COL14A1: variants seen among roughly 807,000 people sequenced by gnomAD.
COL14A1 encodes collagen alpha-1(XIV) chain.
In COL14A1, 136 loss-of-function variants were observed where a neutral mutation model predicts 230.3. The ratio of observed to expected loss-of-function variants is 0.59; its 90% CI spans 0.51 to 0.68. COL14A1 has a LOEUF of 0.68. Ranked by LOEUF, COL14A1 falls within the 30% of genes least tolerant of loss-of-function variation. The pLI is 0.00. For missense variants in COL14A1, 1,976 were observed against 2,215.8 expected (o/e 0.89, Z 2.17); for synonymous variants, 792 against 784.1 (o/e 1.01, Z -0.17).
intron 14 of COL14A1, among the ~76,000 whole-genome samples, chr8:120,218,193 A>G (rs1180142634): frequency 2.2e-4 from 31 of 137,880 alleles, no homozygotes; most frequent in African/African-American, 7.8e-4. Context: ...ATAAGTATAT[A>G]TCTATATATA....
In COL14A1 at chr8:120,181,594, T is replaced by G. The variant is rs548735512; in HGVS notation, c.436+13347T>G. ...TATGGTATACCTGTGATTTTAAAATTTCATGAAGAGGTGATTAGGAAAAAA... is the reference window on the plus strand; with the variant it reads ...TATGGTATACCTGTGATTTTAAAATGTCATGAAGAGGTGATTAGGAAAAAA... On this transcript the variant is annotated intron_variant, in intron 5 of 47. Transcript: ENST00000297848. Among the ~76,000 whole-genome samples the G allele has an allele frequency of 2.0e-5, 3 of 152,162 alleles. 1 individual carries two copies. In the South Asian group the frequency reaches 6.2e-4, roughly 32 times the overall value.
At chr8:120,209,985 G>A in intron 12 of COL14A1, 84 bp downstream of exon 12, 5 of 1,116,452 alleles carry the variant, frequency 4.5e-6, no homozygotes, top group East Asian at 3.2e-5. Context: ...ATTTAATGTA[G>A]AAAATTTAGA....
chr8:120,314,952 T>C (rs1470511954), intron 38 of COL14A1, among the ~76,000 whole-genome samples: 1 of 152,244 alleles, frequency 6.6e-6, no homozygotes, highest in Admixed American at 6.5e-5. Flanking sequence ...CCGCCCTGCA[T>C]GTATTTACAA....
rs4053270 is a variant in COL14A1 at position 120,166,875 on chromosome 8, AGTGTGTGTGTGTGT to A, written c.350-1252_350-1239del. Among the ~76,000 whole-genome samples the A allele has an allele frequency of 1.3e-3, 155 of 117,064 alleles. 1 individual carries two copies. The highest frequency in any genetic ancestry group is 6.1e-3 in the South Asian group (18 of 2,938). 76.8% of individuals were successfully genotyped at this position (117,064 alleles called of 152,430 possible). On this transcript the variant is annotated intron_variant, in intron 4 of 47. Coordinates refer to ENST00000297848, the MANE Select transcript of COL14A1 (RefSeq NM_021110.4). ...AACAACTGAGAAAGAAAAGAATTTAAGTGTGTGTGTGTGTGTGTGTGTGTGTGTGTGTGTGTGTG... is the reference window on the plus strand; with the variant it reads ...AACAACTGAGAAAGAAAAGAATTTAAGTGTGTGTGTGTGTGTGTGTGTGTG...
chr8:120,280,526 A>C (rs1467856961), intron 29 of COL14A1, among the ~76,000 whole-genome samples, 185 bp from the exon 30 acceptor site: 1 of 152,196 alleles, frequency 6.6e-6, no homozygotes, highest in Non-Finnish European at 1.5e-5. Flanking sequence ...TTTAGTTGTA[A>C]TAAGGGACCT....
intron 23 of COL14A1, among the ~76,000 whole-genome samples, chr8:120,260,736 A>C (rs1454329388): frequency 2.0e-5 from 3 of 152,186 alleles, no homozygotes; most frequent in Admixed American, 6.5e-5. Flanking sequence ...GCCTACGAGG[A>C]AAACACTTGA....
intron 1 of COL14A1, among the ~76,000 whole-genome samples, chr8:120,132,931 G>A (rs986019191): frequency 6.6e-6 from 1 of 151,632 alleles, no homozygotes; most frequent in African/African-American, 2.4e-5. Flanking sequence ...TATTATAACT[G>A]TTCCGGCCGG....
At chr8:120,174,186 T>A (rs1816200100) in intron 5 of COL14A1, among the ~76,000 whole-genome samples, 1 of 152,188 alleles carries the variant, frequency 6.6e-6, no homozygotes, top group South Asian at 2.1e-4. Flanking sequence ...CTTTGTATGT[T>A]TTCTTTTTGT....
Position 120,168,196 on chromosome 8 carries a change from A to G in COL14A1, c.385A>G (p.Arg129Gly). Reference protein sequence around the residue: ...DLEKRKDPKPRVKVVDRGNGS... With the variant: ...DLEKRKDPKPGVKVVDRGNGS... The stretch of plus-strand genomic sequence containing the variant: ...AGAAAAAAGAAAGGATCCAAAGCCC[A>G]GAGTCAAAGTTGTGGACAGAGGAAA... The change falls in exon 5 of 48, where the codon AGA (arginine) becomes GGA (glycine). Residue 129 changes from arginine to glycine, a missense_variant. Physicochemically the swap from Arg to Gly is moderately radical, Grantham distance 125 (BLOSUM62 -2). Coordinates refer to ENST00000297848, the MANE Select transcript of COL14A1 (RefSeq NM_021110.4). 1.2e-6 allele frequency: 2 copies of G among 1,613,054 alleles called. No homozygotes were observed. The highest frequency in any genetic ancestry group is 1.7e-6 in the Non-Finnish European group (2 of 1,179,342).
At chr8:120,300,652 C>T in intron 35 of COL14A1, 80 bp from the exon 36 acceptor site, 1 of 1,025,884 alleles carries the variant, frequency 9.7e-7, no homozygotes, top group Non-Finnish European at 1.5e-6. Flanking sequence ...TATCTTAAAT[C>T]AAACTGTTTT....
intron 24 of COL14A1, among the ~76,000 whole-genome samples, chr8:120,263,612 T>C (rs1370837965): frequency 6.6e-6 from 1 of 152,196 alleles, no homozygotes; most frequent in Non-Finnish European, 1.5e-5. Context: ...TGACCCCGGC[T>C]CCACAAACAT....
Position 120,369,246 on chromosome 8 carries a change from A to T in COL14A1, c.5156-84A>T. On this transcript the variant is annotated intron_variant, in intron 46 of 47. Coordinates refer to ENST00000297848, the MANE Select transcript of COL14A1 (RefSeq NM_021110.4). ...ATTGTCCTAAAAGTTGCTTCTTCTAAGAGTTAGTTTACTTCTTGGTTGTCT... is the reference window on the plus strand; with the variant it reads ...ATTGTCCTAAAAGTTGCTTCTTCTATGAGTTAGTTTACTTCTTGGTTGTCT... The T allele has an allele frequency of 3.6e-6, 5 of 1,389,544 alleles. No homozygotes were observed. In the South Asian group the frequency reaches 5.0e-5, roughly 14 times the overall value. The allele number at this position is 1,389,544 out of a possible 1,614,324, so 86.1% of individuals were successfully genotyped here. A position where few individuals can be genotyped will look rare whatever the true frequency, so the allele number is the denominator to read the frequency against.
chr8:120,281,565 TAAA>T (rs61230108), intron 31 of COL14A1, among the ~76,000 whole-genome samples: 2 of 138,132 alleles, frequency 1.4e-5, no homozygotes, highest in Non-Finnish European at 1.6e-5. Context: ...ACCCCGTCTT[TAAA>T]AAAAAAAAAA....
upstream of COL14A1, among the ~76,000 whole-genome samples, chr8:120,124,759 C>T (rs1438152960): frequency 1.3e-5 from 2 of 152,164 alleles, no homozygotes; most frequent in African/African-American, 4.8e-5. Flanking sequence ...GGGCACACAG[C>T]ACCTGAGAAC....
chr8:120,203,949 T>C, intron 9 of COL14A1, 79 bp downstream of exon 9: 3 of 1,436,630 alleles, frequency 2.1e-6, no homozygotes, highest in Non-Finnish European at 2.8e-6. Context: ...AAAATTCTTT[T>C]CATTTTTCAT....
At chr8:120,234,958 TGGTA>T (rs1818390505) in intron 19 of COL14A1, among the ~76,000 whole-genome samples, 1 of 152,224 alleles carries the variant, frequency 6.6e-6, no homozygotes, top group Non-Finnish European at 1.5e-5. Flanking sequence ...TTTTTTTGGT[TGGTA>T]GGCTATTAAT....
chr8:120,282,244 C>T (rs572198665), intron 31 of COL14A1, among the ~76,000 whole-genome samples: 3 of 152,240 alleles, frequency 2.0e-5, no homozygotes, highest in African/African-American at 7.2e-5. Context: ...ACAAAAAAGC[C>T]TTATTCTTGT....
At chr8:120,212,094 G>T (rs1563674996) in intron 12 of COL14A1, among the ~76,000 whole-genome samples, 1 of 152,180 alleles carries the variant, frequency 6.6e-6, no homozygotes, top group Non-Finnish European at 1.5e-5. Flanking sequence ...CAGCACACTG[G>T]CCTGGAGCTC....
chr8:120,348,371 G>C (rs1586887023), intron 45 of COL14A1, among the ~76,000 whole-genome samples: 1 of 150,846 alleles, frequency 6.6e-6, no homozygotes, highest in Non-Finnish European at 1.5e-5. Flanking sequence ...TGAATTAATG[G>C]CATTCACAGT....
Sources: gnomAD v4.1 joint callset for allele counts (sites outside exome capture counted in the v4.1 genomes callset) on GRCh38, gnomAD v4.1.1 for gene constraint, MANE v1.5 for transcripts, NCBI Gene and HGNC (gene_info 2026-07-23, HGNC 2026-07-21) for gene names.